Variants in USP24 observed in about 807,000 individuals in gnomAD.
USP24 encodes ubiquitin specific peptidase 24, also known as ubiquitin carboxyl-terminal hydrolase 24.
In USP24, 97 loss-of-function variants were observed where a neutral mutation model predicts 361.6. The ratio of observed to expected loss-of-function variants is 0.27; its 90% CI spans 0.23 to 0.32. The LOEUF is 0.32. Among genes scored for constraint, USP24 ranks in the 10% least tolerant of loss-of-function variants. The probability of loss-of-function intolerance (pLI) is 1.00; values close to 1 mark genes in which losing one functional copy is unlikely to be tolerated. For missense variants in USP24, 2,353 were observed against 3,165.6 expected (o/e 0.74, Z 6.16); for synonymous variants, 1,098 against 1,124.6 (o/e 0.98, Z 0.47).
chr1:55,193,238 C>T (rs1404544304), intron 1 of USP24, among the ~76,000 whole-genome samples: 1 of 152,126 alleles, frequency 6.6e-6, no homozygotes. Flanking sequence ...GCTTAGGATA[C>T]ATGCAAATAC....
chr1:55,142,671 T>G, intron 23 of USP24, 71 bp downstream of exon 23: 1 of 1,088,286 alleles, frequency 9.2e-7, no homozygotes, highest in East Asian at 2.6e-5. Flanking sequence ...ATAAATTATC[T>G]AAAAATATAA....
chr1:55,140,644 G>A (rs1459358101), intron 24 of USP24, among the ~76,000 whole-genome samples: 1 of 152,140 alleles, frequency 6.6e-6, no homozygotes, highest in Admixed American at 6.5e-5. Flanking sequence ...GCTTTAACAA[G>A]CAAAGGAATA....
intron 47 of USP24, 67 bp downstream of exon 47, chr1:55,097,876 A>C: frequency 2.6e-6 from 4 of 1,538,000 alleles, no homozygotes; most frequent in Non-Finnish European, 3.5e-6. Flanking sequence ...CTGATTTTAC[A>C]TAAAACAAAG....
In USP24 at chr1:55,077,308, AT is replaced by A; in HGVS notation, c.7315-9del. The stretch of plus-strand genomic sequence containing the variant: ...AGCCGTTTCTAGTTGGTTCTGAAAT[AT>A]TTTTTAAAAGCATAAAAACTTCAGT... On this transcript the variant is annotated splice_polypyrimidine_tract_variant and intron_variant, in intron 61 of 67. Transcript: ENST00000294383. 1.3e-6 allele frequency: 2 copies of A among 1,549,756 alleles called. No individual in the cohort carries two copies. Among genetic ancestry groups the A allele is most frequent in the Non-Finnish European group, 8.7e-7 (1 of 1,143,766 alleles).
intron 1 of USP24, among the ~76,000 whole-genome samples, chr1:55,194,092 T>C (rs1039728989): frequency 2.0e-5 from 3 of 152,112 alleles, no homozygotes; most frequent in South Asian, 2.1e-4. Flanking sequence ...AAGCCAAGAA[T>C]TGGGGAGGTA....
At chr1:55,179,694 A>G (rs1002658864) in intron 1 of USP24, among the ~76,000 whole-genome samples, 1 of 151,680 alleles carries the variant, frequency 6.6e-6, no homozygotes, top group African/African-American at 2.4e-5. Flanking sequence ...TGGTGATTGG[A>G]CCTCATACAT....
At chr1:55,122,474 G>T (rs976085327) in intron 36 of USP24, among the ~76,000 whole-genome samples, 10 of 152,160 alleles carry the variant, frequency 6.6e-5, no homozygotes, top group African/African-American at 2.4e-4. Flanking sequence ...CCACCGGAAG[G>T]CTTTCAAAGA....
Position 55,071,491 on chromosome 1 carries a change from C to G in USP24, c.7800+323G>C. On this transcript the variant is annotated intron_variant, in intron 67 of 67. Coordinates refer to ENST00000294383, the MANE Select transcript of USP24 (RefSeq NM_015306.3). ...GAGCAAACGAGGGACTTTCAGTAAC[C>G]TGGCAAGGCAGAATAAAGTGAACAA... The G allele has an allele frequency of 2.8e-6, 3 of 1,068,514 alleles. No individual in the cohort carries two copies. The South Asian group carries it at 1.2e-4, about 43-fold the overall frequency. The allele number at this position is 1,068,514 out of a possible 1,614,324, so 66.2% of individuals were successfully genotyped here.
At chr1:55,198,735 T>C (rs1414469617) in intron 1 of USP24, among the ~76,000 whole-genome samples, 1 of 152,224 alleles carries the variant, frequency 6.6e-6, no homozygotes, top group Non-Finnish European at 1.5e-5. Flanking sequence ...AGATCTCTTC[T>C]GGCTCTAAAA....
intron 62 of USP24, among the ~76,000 whole-genome samples, chr1:55,076,465 C>T (rs757300965): frequency 6.6e-6 from 1 of 152,172 alleles, no homozygotes; most frequent in Non-Finnish European, 1.5e-5. Flanking sequence ...GCCAAGGCCT[C>T]TATGGAGTAT....
intron 30 of USP24, among the ~76,000 whole-genome samples, chr1:55,133,496 A>G (rs149782750): frequency 0.012 from 1,810 of 152,284 alleles, 39 homozygotes; most frequent in African/African-American, 0.042. Flanking sequence ...CTAATATATA[A>G]CATGAGGAGG....
chr1:55,110,288 T>G, intron 38 of USP24, 42 bp from the exon 39 acceptor site: 1 of 1,453,706 alleles, frequency 6.9e-7, no homozygotes. Flanking sequence ...AGAGGCTGAT[T>G]TGAAAATAAA....
intron 1 of USP24, among the ~76,000 whole-genome samples, chr1:55,192,559 A>C (rs916736775): frequency 4.6e-5 from 7 of 152,234 alleles, no homozygotes; most frequent in African/African-American, 1.7e-4. Context: ...AACAATTAGA[A>C]ACATATATGT....
chr1:55,122,753 C>A (rs950184090), intron 36 of USP24, among the ~76,000 whole-genome samples: 2 of 151,938 alleles, frequency 1.3e-5, no homozygotes, highest in Non-Finnish European at 2.9e-5. Flanking sequence ...CCAGAGCAAC[C>A]GGAAGAATAG....
rs190706465 is a variant in USP24, at chr1:55,147,653, C to T, written c.2114G>A (p.Arg705Gln). 158 of 1,604,682 alleles carry T rather than the reference C, an allele frequency of 9.8e-5. 1 individual carries two copies. The highest frequency in any genetic ancestry group is 7.9e-4 in the East Asian group (35 of 44,368). ...CAAAAACACAAGGCCTGATACCTCC[C>T]GGTAAGTGTACCGGCCATCCACTAG... is the stretch of plus-strand genomic sequence containing the variant. Reference protein sequence around the residue: ...STLVDGRYTYREYLEAHLKFL... With the variant: ...STLVDGRYTYQEYLEAHLKFL... The change falls in exon 18 of 68, where the codon CGG (arginine) becomes CAG (glutamine). Residue 705 changes from arginine (R) to glutamine (Q), a missense_variant. Physicochemically the swap from Arg to Gln is conservative, Grantham distance 43. Around this residue, in one of 8 missense-constraint regions of USP24, gnomAD observed 949 missense variants for 1,280.5 expected, o/e 0.74. Transcript: ENST00000294383.
intron 67 of USP24, among the ~76,000 whole-genome samples, chr1:55,070,346 C>T (rs1410680665): frequency 6.6e-6 from 1 of 152,144 alleles, no homozygotes; most frequent in African/African-American, 2.4e-5. Flanking sequence ...CTCCACAAAC[C>T]TTTACTGGTG....
At chr1:55,185,730 T>A (rs1644111926) in intron 1 of USP24, among the ~76,000 whole-genome samples, 1 of 23,742 alleles carries the variant, frequency 4.2e-5, no homozygotes, top group South Asian at 3.1e-3. Context: ...CTGGTTCATC[T>A]TTCTGATTTT....
intron 1 of USP24, among the ~76,000 whole-genome samples, chr1:55,187,310 G>T (rs6676563): frequency 0.53 from 79,753 of 151,882 alleles, 23,118 homozygotes; most frequent in East Asian, 0.75. Context: ...TTGATTAAAG[G>T]CATCTACAAA....
At chr1:55,109,236 C>T (rs1418505702) in intron 39 of USP24, among the ~76,000 whole-genome samples, 1 of 152,234 alleles carries the variant, frequency 6.6e-6, no homozygotes, top group Non-Finnish European at 1.5e-5. Context: ...CTTCGCCTCC[C>T]AAAGTGCCAG....
Sources: gnomAD v4.1 joint callset for allele counts (sites outside exome capture counted in the v4.1 genomes callset) on GRCh38, gnomAD v4.1.1 for gene constraint, gnomAD v4.1.1 regional missense constraint, MANE v1.5 for transcripts, NCBI Gene and HGNC (gene_info 2026-07-23, HGNC 2026-07-21) for gene names.